Variants in KIF3B observed in about 807,000 individuals in gnomAD.
The protein encoded by KIF3B is kinesin family member 3B.
KIF3B carries 38 observed loss-of-function variants against 74.3 expected under a neutral mutation model. That is an observed-to-expected ratio of 0.51 (90% CI 0.39 to 0.67). The LOEUF is 0.67. Ranked by LOEUF, KIF3B falls within the 30% of genes least tolerant of loss-of-function variation. The pLI is 0.00. For missense variants in KIF3B, 649 were observed against 932.0 expected, an observed-to-expected ratio of 0.70 and a Z score of 3.95; for synonymous variants, 326 against 342.5, an observed-to-expected ratio of 0.95 and a Z score of 0.53.
At chr20:32,315,714 A>C (rs1177520856) in intron 2 of KIF3B, among the ~76,000 whole-genome samples, 1 of 152,086 alleles carries the variant, frequency 6.6e-6, no homozygotes, top group Non-Finnish European at 1.5e-5. Flanking sequence ...CCCTGTCTTT[A>C]AAAAATTTTA....
At chr20:32,305,882 C>T (rs915305973) in intron 1 of KIF3B, among the ~76,000 whole-genome samples, 1 of 151,140 alleles carries the variant, frequency 6.6e-6, no homozygotes, top group Admixed American at 6.6e-5. Flanking sequence ...ACACCTGGCT[C>T]CATTTTCTTA....
chr20:32,288,362 C>T (rs1038148534), intron 1 of KIF3B, among the ~76,000 whole-genome samples: 4 of 152,000 alleles, frequency 2.6e-5, no homozygotes, highest in Non-Finnish European at 5.9e-5. Context: ...CAGTGGCTTG[C>T]ACCTGTACTC....
chr20:32,283,307 C>A (rs979951613), intron 1 of KIF3B, among the ~76,000 whole-genome samples: 17 of 151,732 alleles, frequency 1.1e-4, no homozygotes, highest in Non-Finnish European at 2.4e-4. Context: ...AGTTTGAGAC[C>A]AGCCTGACCA....
At chr20:32,284,020 A>C (rs1246392564) in intron 1 of KIF3B, among the ~76,000 whole-genome samples, 1 of 151,504 alleles carries the variant, frequency 6.6e-6, no homozygotes, top group African/African-American at 2.4e-5. Context: ...GGCTCAAGCG[A>C]TCCTCCCACG....
intron 1 of KIF3B, among the ~76,000 whole-genome samples, chr20:32,307,126 TA>T (rs1237008430): frequency 1.3e-5 from 2 of 152,214 alleles, no homozygotes; most frequent in Non-Finnish European, 2.9e-5. Flanking sequence ...ATTTCTCACA[TA>T]CCTCTGCCTC....
intron 2 of KIF3B, 86 bp from the exon 3 acceptor site, chr20:32,316,132 C>G: frequency 1.2e-6 from 1 of 832,414 alleles, no homozygotes; most frequent in Admixed American, 1.9e-5. Context: ...GTCCTGAGCT[C>G]TTTATCTTTC....
intron 1 of KIF3B, among the ~76,000 whole-genome samples, chr20:32,299,945 G>A (rs1034948521): frequency 2.0e-5 from 3 of 149,866 alleles, no homozygotes; most frequent in Non-Finnish European, 4.4e-5. Flanking sequence ...GTGTCATCAC[G>A]CCTGGCTAAT....
chr20:32,278,107 C>G (rs1472764613), intron 1 of KIF3B, among the ~76,000 whole-genome samples: 1 of 151,996 alleles, frequency 6.6e-6, no homozygotes, highest in Non-Finnish European at 1.5e-5. Flanking sequence ...TGACCTTGGG[C>G]AAGTCTTTTC....
At chr20:32,317,018 CTGA>C in intron 5 of KIF3B, 144 bp downstream of exon 5, 2 of 658,860 alleles carry the variant, frequency 3.0e-6, no homozygotes, top group South Asian at 3.5e-5. Context: ...GGCAGATCAC[CTGA>C]TGTCAGGAGT....
chr20:32,295,585 G>T (rs369779937), intron 1 of KIF3B, among the ~76,000 whole-genome samples: 1 of 151,538 alleles, frequency 6.6e-6, no homozygotes, highest in Non-Finnish European at 1.5e-5. Context: ...GAGCCACCAC[G>T]CCTGGCTGAC....
chr20:32,295,094 A>T (rs1010350669), intron 1 of KIF3B, among the ~76,000 whole-genome samples: 3 of 152,202 alleles, frequency 2.0e-5, no homozygotes, highest in African/African-American at 7.2e-5. Context: ...CCTTAAAATA[A>T]TTCCAAGAAA....
intron 5 of KIF3B, among the ~76,000 whole-genome samples, 187 bp downstream of exon 5, chr20:32,317,061 C>T (rs2047831429): frequency 6.6e-6 from 1 of 152,174 alleles, no homozygotes; most frequent in Non-Finnish European, 1.5e-5. Flanking sequence ...CATGGTGAAA[C>T]CCCGTCTCTA....
rs767463960 is a variant in KIF3B, at chr20:32,327,570, T to C, written c.1877T>C (p.Met626Thr). 6.2e-7 allele frequency: 1 copy of C among 1,613,324 alleles called. No homozygotes were observed. The highest frequency in any genetic ancestry group is 8.5e-7 in the Non-Finnish European group (1 of 1,179,572). Residue 626 changes from methionine to threonine, a missense_variant, in exon 7 of 9, where the codon ATG (methionine) becomes ACG (threonine). Met to Thr is a moderately conservative substitution (Grantham distance 81, BLOSUM62 -1). Coordinates refer to ENST00000375712, the MANE Select transcript of KIF3B (RefSeq NM_004798.4). Reference protein sequence around the residue: ...PITRLENQQMMKRPVSAVGYK... With the variant: ...PITRLENQQMTKRPVSAVGYK... ...TTCATTTCCAGGAACCAGCAGATGA[T>C]GAAGCGGCCAGTCTCAGCCGTGGGA...
chr20:32,307,607 C>T (rs2047778065), intron 1 of KIF3B, among the ~76,000 whole-genome samples: 1 of 152,078 alleles, frequency 6.6e-6, no homozygotes, highest in Non-Finnish European at 1.5e-5. Flanking sequence ...TTGCTCTACC[C>T]AGAGGTTGTA....
intron 1 of KIF3B, 100 bp from the exon 2 acceptor site, chr20:32,309,613 T>G (rs1600429004): frequency 1.5e-6 from 1 of 689,230 alleles, no homozygotes; most frequent in Non-Finnish European, 2.4e-6. Flanking sequence ...GATATGGCTG[T>G]CAGGTTAGCA....
In KIF3B at chr20:32,334,411, C is replaced by T. The variant is rs1307728316; in HGVS notation, c.*3092C>T. On this transcript the variant is annotated 3_prime_UTR_variant, in exon 9 of 9. Transcript: ENST00000375712. ...CAGAGTGCTGCAACTGGGGCGTGGG[C>T]CGCTCTCTGCTTTTCCTGTCTGACT... 1 of 152,618 alleles carries T rather than the reference C, an allele frequency of 6.6e-6. No homozygotes were observed. The highest frequency in any genetic ancestry group is 1.5e-5 in the Non-Finnish European group (1 of 68,062). The allele number at this position is 152,618 out of a possible 1,614,324, so 9.5% of individuals were successfully genotyped here. A position where few individuals can be genotyped will look rare whatever the true frequency, so the allele number is the denominator to read the frequency against.
chr20:32,329,216 T>A, intron 7 of KIF3B, among the ~76,000 whole-genome samples: 1 of 152,214 alleles, frequency 6.6e-6, no homozygotes, highest in Non-Finnish European at 1.5e-5. Context: ...CTAATTTTTG[T>A]ATATTTAGTA....
intron 1 of KIF3B, among the ~76,000 whole-genome samples, chr20:32,303,196 A>G (rs896630125): frequency 3.3e-5 from 5 of 152,168 alleles, no homozygotes; most frequent in Non-Finnish European, 7.3e-5. Context: ...GTTCTTATTG[A>G]ACATCAATTA....
chr20:32,306,680 C>T (rs759480266), intron 1 of KIF3B, among the ~76,000 whole-genome samples: 4 of 150,514 alleles, frequency 2.7e-5, no homozygotes, highest in Non-Finnish European at 5.9e-5. Flanking sequence ...ATGCAACCGC[C>T]ACCTCCCGGG....
Sources: allele counts gnomAD v4.1 joint callset (sites outside exome capture counted in the v4.1 genomes callset), GRCh38; gene constraint gnomAD v4.1.1; transcripts MANE v1.5; gene names NCBI Gene and HGNC (gene_info 2026-07-23, HGNC 2026-07-21).